The following DNAJC6 variants were observed in gnomAD, a reference collection of about 807,000 sequenced individuals.
The protein encoded by DNAJC6 is auxilin.
In DNAJC6, 34 loss-of-function variants were observed where a neutral mutation model predicts 110.0. The observed-to-expected ratio is 0.31, with a 90% CI of 0.24 to 0.41. DNAJC6 has a LOEUF of 0.41. Among genes scored for constraint, DNAJC6 ranks in the 10% least tolerant of loss-of-function variants. DNAJC6 has a pLI of 1.00. For missense variants in DNAJC6, 1,031 were observed against 1,207.8 expected (o/e 0.85, Z 2.17); for synonymous variants, 406 against 437.2 (o/e 0.93, Z 0.89).
intron 2 of DNAJC6, 73 bp from the exon 3 acceptor site, chr1:65,365,812 A>T (rs1285608030): frequency 2.6e-6 from 4 of 1,536,646 alleles, no homozygotes; most frequent in Non-Finnish European, 3.6e-6. Context: ...TCATATGCGC[A>T]AGTGATTGAG....
chr1:65,336,882 G>C (rs1265524357), intron 1 of DNAJC6, among the ~76,000 whole-genome samples: 1 of 152,074 alleles, frequency 6.6e-6, no homozygotes, highest in Admixed American at 6.6e-5. Context: ...TTTTAAGTGG[G>C]AATCTTATTT....
At chr1:65,292,525 G>A (rs1293506743) in intron 1 of DNAJC6, among the ~76,000 whole-genome samples, 1 of 151,734 alleles carries the variant, frequency 6.6e-6, no homozygotes, top group Non-Finnish European at 1.5e-5. Flanking sequence ...CGACTTCCTG[G>A]GCTCAAGCAA....
At chr1:65,296,682 G>A (rs1483131659) in intron 1 of DNAJC6, among the ~76,000 whole-genome samples, 1 of 151,394 alleles carries the variant, frequency 6.6e-6, no homozygotes, top group South Asian at 2.1e-4. Flanking sequence ...CCACCTTCTG[G>A]GTTCAAGCAA....
intron 15 of DNAJC6, among the ~76,000 whole-genome samples, chr1:65,404,185 G>T (rs1646054658): frequency 6.6e-6 from 1 of 152,196 alleles, no homozygotes. Flanking sequence ...GCAATGCCAA[G>T]CTTGAAGACA....
intron 1 of DNAJC6, among the ~76,000 whole-genome samples, chr1:65,348,965 T>A (rs953210930): frequency 2.1e-5 from 3 of 145,878 alleles, no homozygotes; most frequent in East Asian, 2.0e-4. Flanking sequence ...TAAATATATA[T>A]AAATATATAT....
chr1:65,267,743 C>G (rs1653382154), intron 1 of DNAJC6, among the ~76,000 whole-genome samples: 1 of 152,102 alleles, frequency 6.6e-6, no homozygotes, highest in South Asian at 2.1e-4. Flanking sequence ...TTCTAAGACT[C>G]CAAATAGGTT....
intron 15 of DNAJC6, among the ~76,000 whole-genome samples, chr1:65,402,623 A>G (rs965869563): frequency 1.3e-5 from 2 of 152,164 alleles, no homozygotes; most frequent in African/African-American, 4.8e-5. Context: ...GATTTGTTAA[A>G]TAAGGGTGGG....
At chr1:65,409,816 G>A (rs1464559896) in intron 17 of DNAJC6, among the ~76,000 whole-genome samples, 2 of 152,010 alleles carry the variant, frequency 1.3e-5, no homozygotes, top group Non-Finnish European at 2.9e-5. Context: ...TTAGATTTGA[G>A]GTTTTTCCTC....
At chr1:65,396,620 A>G (rs986230318) in intron 13 of DNAJC6, among the ~76,000 whole-genome samples, 5 of 152,064 alleles carry the variant, frequency 3.3e-5, no homozygotes, top group African/African-American at 1.2e-4. Context: ...TCCGTTTCAA[A>G]TTGCAACTCG....
intron 1 of DNAJC6, among the ~76,000 whole-genome samples, chr1:65,348,824 T>C (rs1179297972): frequency 6.6e-6 from 1 of 150,528 alleles, no homozygotes; most frequent in Non-Finnish European, 1.5e-5. Context: ...TGCTTCTGTT[T>C]TTAGTTTCTC....
intron 1 of DNAJC6, among the ~76,000 whole-genome samples, chr1:65,321,271 G>C (rs547328403): frequency 6.6e-6 from 1 of 152,168 alleles, no homozygotes; most frequent in Non-Finnish European, 1.5e-5. Context: ...TGCAATCATA[G>C]CTCACTGCTG....
At chr1:65,279,179 T>G (rs1159529660) in intron 1 of DNAJC6, 12 of 984,924 alleles carry the variant, frequency 1.2e-5, no homozygotes, top group Non-Finnish European at 1.4e-5. Flanking sequence ...GGTTTAAATT[T>G]AGAATAACAT....
In DNAJC6 at chr1:65,328,871, C is replaced by T. The variant is rs1645263665; in HGVS notation, c.193+18933C>T. ...GCTTGAGCTGTCTTCCCAACCTTTG[C>T]CCCGTAACACCTTTGCCTTGGTAAT... On this transcript the variant is annotated intron_variant, in intron 1 of 18. Coordinates refer to ENST00000371069, the MANE Select transcript of DNAJC6 (RefSeq NM_001256864.2). 2.0e-5 allele frequency among the ~76,000 whole-genome samples: 3 copies of T among 152,150 alleles called. No homozygotes were observed. In the South Asian group the frequency reaches 6.2e-4, roughly 32 times the overall value.
chr1:65,365,546 A>T (rs1557543773), intron 2 of DNAJC6, among the ~76,000 whole-genome samples: 2 of 152,264 alleles, frequency 1.3e-5, no homozygotes, highest in South Asian at 2.1e-4. Flanking sequence ...CCCCTTAGCC[A>T]CTTACAATTA....
chr1:65,314,570 A>C (rs1169005469), intron 1 of DNAJC6, among the ~76,000 whole-genome samples: 1 of 151,976 alleles, frequency 6.6e-6, no homozygotes, highest in East Asian at 1.9e-4. Context: ...GCTCACTGCA[A>C]CCTCTTCCTC....
chr1:65,356,917 G>A (rs1010186963), intron 1 of DNAJC6, among the ~76,000 whole-genome samples: 6 of 152,176 alleles, frequency 3.9e-5, no homozygotes, highest in East Asian at 1.9e-4. Context: ...GGAATGAGAC[G>A]TAAGCAGCCT....
rs140879893 is a variant in DNAJC6, at chr1:65,411,922, G to T, written c.2811+496G>T. On this transcript the variant is annotated intron_variant, in intron 18 of 18. Coordinates refer to ENST00000371069, the MANE Select transcript of DNAJC6 (RefSeq NM_001256864.2). ...GGTGATCAAGGCTGCAGTGAGCTGA[G>T]ATCGCTCCACTGTACTCCAGCCTGG... Among the ~76,000 whole-genome samples, 880 of 152,210 alleles carry T rather than the reference G, an allele frequency of 5.8e-3. 4 individuals are homozygous for T. Among genetic ancestry groups the T allele is most frequent in the Non-Finnish European group, 8.2e-3 (559 of 68,008 alleles).
intron 1 of DNAJC6, among the ~76,000 whole-genome samples, chr1:65,354,799 TACAC>T (rs930988939): frequency 3.9e-5 from 6 of 152,188 alleles, no homozygotes; most frequent in African/African-American, 1.2e-4. Flanking sequence ...TGTAAATAAA[TACAC>T]ACAAGCACAT....
intron 1 of DNAJC6, among the ~76,000 whole-genome samples, chr1:65,334,057 A>G (rs1645312397): frequency 6.6e-6 from 1 of 152,262 alleles, no homozygotes; most frequent in Admixed American, 6.5e-5. Flanking sequence ...TGGCAAATTT[A>G]TCGTTAGGTT....
Sources: allele counts gnomAD v4.1 joint callset (sites outside exome capture counted in the v4.1 genomes callset), GRCh38; gene constraint gnomAD v4.1.1; transcripts MANE v1.5; gene names NCBI Gene and HGNC (gene_info 2026-07-23, HGNC 2026-07-21).